FREM1: variants seen among roughly 807,000 people sequenced by gnomAD.
FREM1 encodes the protein FRAS1-related extracellular matrix protein 1.
In FREM1, 220 loss-of-function variants were observed where a neutral mutation model predicts 210.1. That is an observed-to-expected ratio of 1.05 (90% CI 0.94 to 1.17). FREM1 has a LOEUF of 1.17. FREM1 is among the 50% of genes most tolerant of loss of function. FREM1 has a pLI of 0.00. For synonymous variants in FREM1, 1,189 were observed against 980.2 expected (o/e 1.21, Z -3.98); for missense variants, 3,454 against 2,675.5 (o/e 1.29, Z -6.42).
chr9:14,838,575 C>T (rs962222261), intron 10 of FREM1, among the ~76,000 whole-genome samples: 13 of 152,066 alleles, frequency 8.5e-5, no homozygotes, highest in Non-Finnish European at 1.6e-4. Flanking sequence ...TAAAGCTTTA[C>T]ACTTATTACC....
intron 25 of FREM1, among the ~76,000 whole-genome samples, chr9:14,771,440 C>T (rs550272244): frequency 7.2e-5 from 11 of 152,230 alleles, no homozygotes; most frequent in Non-Finnish European, 1.5e-4. Context: ...GGTAGCTGAA[C>T]AGGTGGACCA....
At position 14,891,272 on chromosome 9, in the gene FREM1, C is replaced by T. The variant is rs148143768; in HGVS notation, c.-268+18642G>A. ...TCTTGGCTTTTTGAGTATGACATAT[C>T]ATCTGTTCATTCATTGTACAAACAA... On this transcript the variant is annotated intron_variant, in intron 1 of 36. Transcript: ENST00000380880. Among the ~76,000 whole-genome samples, 158 of 152,298 alleles carry T rather than the reference C, an allele frequency of 1.0e-3. 1 individual carries two copies. The East Asian group carries it at 0.028, about 27-fold the overall frequency.
chr9:14,803,039 TTC>T, intron 19 of FREM1, among the ~76,000 whole-genome samples: 1 of 144,596 alleles, frequency 6.9e-6, no homozygotes, highest in Non-Finnish European at 1.5e-5. Context: ...TCTCTTTCTT[TTC>T]TTCTTTCTCT....
intron 3 of FREM1, among the ~76,000 whole-genome samples, chr9:14,863,356 A>C (rs987606158): frequency 6.6e-6 from 1 of 151,762 alleles, no homozygotes; most frequent in Non-Finnish European, 1.5e-5. Flanking sequence ...AAAAAAAAAA[A>C]AGGAATTTTA....
chr9:14,789,624 C>T (rs745844683), intron 22 of FREM1, among the ~76,000 whole-genome samples: 12 of 152,208 alleles, frequency 7.9e-5, no homozygotes, highest in South Asian at 4.1e-4. Context: ...TGTTTCCAGC[C>T]TTACTAAAGA....
intron 1 of FREM1, among the ~76,000 whole-genome samples, chr9:14,882,721 T>G (rs767572771): frequency 1.3e-5 from 2 of 151,470 alleles, no homozygotes; most frequent in Non-Finnish European, 2.9e-5. Flanking sequence ...GCTCCCAAAG[T>G]GCTGGGATTA....
chr9:14,792,844 T>A lies in FREM1; in HGVS notation c.3880A>T (p.Ile1294Phe), dbSNP rs1242611736. 6.3e-7 allele frequency: 1 copy of A among 1,596,802 alleles called. No homozygotes were observed. Residue 1294 changes from isoleucine to phenylalanine, a missense_variant, in exon 22 of 37, where the codon ATT (isoleucine) becomes TTT (phenylalanine). Ile to Phe is a conservative substitution (Grantham distance 21). Coordinates refer to ENST00000380880, the MANE Select transcript of FREM1 (RefSeq NM_001379081.2). The stretch of plus-strand genomic sequence containing the variant: ...ATGGCTGAAAGAATAGCACTGGAAA[T>A]AATACGAGTTTCACCCATATTCATT... ...IAMNMGETRI[I>F]SSAILSAIDE...
chr9:14,817,943 C>T (rs2130671887), intron 14 of FREM1, among the ~76,000 whole-genome samples: 1 of 152,264 alleles, frequency 6.6e-6, no homozygotes, highest in East Asian at 1.9e-4. Context: ...GCTAAAATCC[C>T]TAAAAGGATC....
intron 3 of FREM1, among the ~76,000 whole-genome samples, chr9:14,860,826 C>CGTATATATACGT (rs368689841): frequency 2.4e-5 from 2 of 83,672 alleles, no homozygotes; most frequent in Admixed American, 1.4e-4. Context: ...CACATATATA[C>CGTATATATACGT]ATATATACGT....
intron 10 of FREM1, among the ~76,000 whole-genome samples, chr9:14,839,618 C>A (rs1472460320): frequency 1.3e-5 from 2 of 152,134 alleles, no homozygotes; most frequent in Non-Finnish European, 2.9e-5. Context: ...TTAGTTTGAC[C>A]AATTTGCCCA....
In FREM1 at chr9:14,746,778, A is replaced by AT. The variant is rs139127789; in HGVS notation, c.6138+144dup. ...GATTTTTAAAAAGCCACTTTGGGCCATTTTTTCCTCTTGGCCTTCAAGTTG... is the reference window on the plus strand; with the variant it reads ...GATTTTTAAAAAGCCACTTTGGGCCATTTTTTTCCTCTTGGCCTTCAAGTTG... On this transcript the variant is annotated intron_variant, in intron 34 of 36. Coordinates refer to ENST00000380880, the MANE Select transcript of FREM1 (RefSeq NM_001379081.2). The AT allele has an allele frequency of 4.7e-4, 472 of 999,506 alleles. 2 individuals are homozygous for AT. The African/African-American group carries it at 6.8e-3, about 14-fold the overall frequency. 61.9% of individuals were successfully genotyped at this position (999,506 alleles called of 1,614,324 possible).
At chr9:14,910,595 GAC>G (rs1818555383), upstream of FREM1, among the ~76,000 whole-genome samples, 1 of 151,968 alleles carries the variant, frequency 6.6e-6, no homozygotes, top group Non-Finnish European at 1.5e-5. Flanking sequence ...AAACACGATA[GAC>G]ACACAATCAC....
intron 10 of FREM1, among the ~76,000 whole-genome samples, chr9:14,829,972 G>A (rs1823241451): frequency 6.6e-6 from 1 of 152,158 alleles, no homozygotes; most frequent in East Asian, 1.9e-4. Context: ...TGACACAAAA[G>A]CACATGGGTG....
rs17290109 is a variant in FREM1, at chr9:14,746,848, G to A, written c.6138+75C>T. On this transcript the variant is annotated intron_variant, in intron 34 of 36. Coordinates refer to ENST00000380880, the MANE Select transcript of FREM1 (RefSeq NM_001379081.2). ...GTAGCATGGGTTGAGTCATGCACCA[G>A]ATGGTTCCCCTCTATTAGCTTATCA... 0.14 allele frequency: 216,727 copies of A among 1,501,234 alleles called. 17,645 individuals are homozygous for A. The highest frequency in any genetic ancestry group is 0.17 in the Non-Finnish European group (188,707 of 1,113,688). The allele number at this position is 1,501,234 out of a possible 1,614,324, so 93.0% of individuals were successfully genotyped here.
chr9:14,813,732 C>G (rs777711953), intron 15 of FREM1, among the ~76,000 whole-genome samples: 1 of 151,342 alleles, frequency 6.6e-6, no homozygotes, highest in African/African-American at 2.4e-5. Context: ...TTAAAAAGAT[C>G]GTGTAGAAAT....
chr9:14,753,398 A>G (rs577873573), intron 29 of FREM1, among the ~76,000 whole-genome samples: 104 of 152,374 alleles, frequency 6.8e-4, no homozygotes, highest in African/African-American at 2.4e-3. Flanking sequence ...GCCTTTCAAT[A>G]ATGCATATTT....
chr9:14,835,378 G>C (rs539457082), intron 10 of FREM1, among the ~76,000 whole-genome samples: 1 of 152,340 alleles, frequency 6.6e-6, no homozygotes, highest in African/African-American at 2.4e-5. Flanking sequence ...AGTGCAATAA[G>C]AATCAATTTT....
intron 5 of FREM1, among the ~76,000 whole-genome samples, chr9:14,857,235 G>A (rs1463734556): frequency 2.6e-5 from 4 of 152,078 alleles, no homozygotes; most frequent in Non-Finnish European, 4.4e-5. Flanking sequence ...TGTTATAAAA[G>A]GTCAAATGAC....
intron 28 of FREM1, among the ~76,000 whole-genome samples, chr9:14,757,582 T>C (rs1012765501): frequency 2.0e-5 from 3 of 152,188 alleles, no homozygotes; most frequent in Non-Finnish European, 4.4e-5. Flanking sequence ...TGTCTTTGGC[T>C]GATTTGAAAA....
Sources: allele counts gnomAD v4.1 joint callset (sites outside exome capture counted in the v4.1 genomes callset), GRCh38; gene constraint gnomAD v4.1.1; transcripts MANE v1.5; gene names NCBI Gene and HGNC (gene_info 2026-07-23, HGNC 2026-07-21).